The following AKNAD1 variants were observed in gnomAD, a reference collection of about 807,000 sequenced individuals.
The protein encoded by AKNAD1 is protein AKNAD1.
A neutral mutation model predicts 90.8 loss-of-function variants in AKNAD1; 67 were observed. That is an observed-to-expected ratio of 0.74 (90% CI 0.61 to 0.90). The LOEUF is 0.90. Ranked by LOEUF, AKNAD1 falls within the 40% of genes least tolerant of loss-of-function variation. The pLI is 0.00. For synonymous variants in AKNAD1, 327 were observed against 341.4 expected, an observed-to-expected ratio of 0.96 and a Z score of 0.46; for missense variants, 957 against 975.4, an observed-to-expected ratio of 0.98 and a Z score of 0.25.
Position 108,820,580 on chromosome 1 carries a change from T to C in AKNAD1, c.2214A>G (p.Lys738=). Residue 738 remains lysine, a synonymous_variant, in exon 14 of 16, where the codon AAA becomes AAG. Transcript: ENST00000370001. Reference sequence around the variant, plus strand: ...TGGGCTCATGTTCACCTTTAAAGGATTTTGAATTCACTCTCTGAGAACAGA... The same window carrying C: ...TGGGCTCATGTTCACCTTTAAAGGACTTTGAATTCACTCTCTGAGAACAGA... ...KRICSQRVNS[K]SFKGEHEPTP... The C allele has an allele frequency of 6.2e-7, 1 of 1,611,230 alleles. No individual in the cohort carries two copies. Among genetic ancestry groups the C allele is most frequent in the South Asian group, 1.1e-5 (1 of 90,780 alleles).
Position 108,838,591 on chromosome 1 carries a change from G to T in AKNAD1, c.1380-885C>A, listed in dbSNP as rs12025470. Among the ~76,000 whole-genome samples the T allele has an allele frequency of 9.4e-3, 1,430 of 151,942 alleles. 21 individuals are homozygous for T. Among genetic ancestry groups the T allele is most frequent in the South Asian group, 0.029 (138 of 4,822 alleles). Reference sequence around the variant, plus strand: ...GAATATAAAATAAACCACAGAAAAGGATTCATAAAATTACTAGAAATAAAT... The same window carrying T: ...GAATATAAAATAAACCACAGAAAAGTATTCATAAAATTACTAGAAATAAAT... On this transcript the variant is annotated intron_variant, in intron 6 of 15. Coordinates refer to ENST00000370001, the MANE Select transcript of AKNAD1 (RefSeq NM_152763.5).
intron 3 of AKNAD1, 34 bp from the exon 4 acceptor site, chr1:108,849,094 C>T (rs1664781425): frequency 1.3e-6 from 2 of 1,529,498 alleles, no homozygotes; most frequent in Non-Finnish European, 1.7e-6. Context: ...GGCTACCATT[C>T]ATCTCAACTT....
At chr1:108,827,147 A>T in intron 11 of AKNAD1, 58 bp downstream of exon 11, 1 of 1,297,402 alleles carries the variant, frequency 7.7e-7, no homozygotes, top group South Asian at 1.2e-5. Flanking sequence ...TACTGCGAGC[A>T]GACCCCATGG....
intron 8 of AKNAD1, 152 bp from the exon 9 acceptor site, chr1:108,834,680 T>C: frequency 2.2e-6 from 2 of 913,626 alleles, no homozygotes; most frequent in Non-Finnish European, 3.2e-6. Flanking sequence ...ATGCGGCCAC[T>C]TGACCTTCAC....
intron 6 of AKNAD1, among the ~76,000 whole-genome samples, chr1:108,839,471 T>TAAAAAAAAAAAGAAAAAAAA (rs1553203224): frequency 5.1e-4 from 64 of 126,150 alleles, no homozygotes; most frequent in African/African-American, 2.0e-3. Context: ...TCCGTCTCAA[T>TAAAAAAAAAAAGAAAAAAAA]AAAAAAAAAA....
chr1:108,820,453 T>C lies in AKNAD1; in HGVS notation c.2249+92A>G, dbSNP rs1333128. 215,908 of 778,048 alleles carry C rather than the reference T, an allele frequency of 0.28. 35,344 individuals carry two copies. Among genetic ancestry groups the C allele is most frequent in the East Asian group, 0.69 (27,156 of 39,464 alleles). 48.2% of individuals were successfully genotyped at this position (778,048 alleles called of 1,614,324 possible). A position where few individuals can be genotyped will look rare whatever the true frequency, so the allele number is the denominator to read the frequency against. On this transcript the variant is annotated intron_variant, in intron 14 of 15. Coordinates refer to ENST00000370001, the MANE Select transcript of AKNAD1 (RefSeq NM_152763.5). The stretch of plus-strand genomic sequence containing the variant: ...GCTCTACTCCTAATCATCTAGGTTA[T>C]CTTGGGGTAGGTAGTTAATGCACTA...
At chr1:108,847,054 G>T (rs183771384) in intron 5 of AKNAD1, among the ~76,000 whole-genome samples, 2 of 151,998 alleles carry the variant, frequency 1.3e-5, no homozygotes, top group East Asian at 3.9e-4. Context: ...GCCAGCCTTC[G>T]TTCAGGCCCT....
chr1:108,855,013 C>T (rs1664988950), intron 1 of AKNAD1, among the ~76,000 whole-genome samples: 2 of 152,150 alleles, frequency 1.3e-5, no homozygotes, highest in South Asian at 4.1e-4. Flanking sequence ...AATGAAAAAA[C>T]AAAACCAGTC....
Position 108,834,446 on chromosome 1 carries a change from C to A in AKNAD1, c.1746+1G>T, listed in dbSNP as rs952148757. 6.2e-7 allele frequency: 1 copy of A among 1,606,856 alleles called. No individual in the cohort carries two copies. The highest frequency in any genetic ancestry group is 2.2e-5 in the East Asian group (1 of 44,824). On this transcript the variant is annotated splice_donor_variant, in intron 9 of 15. Coordinates refer to ENST00000370001, the MANE Select transcript of AKNAD1 (RefSeq NM_152763.5). LOFTEE classifies it high-confidence loss of function. The stretch of plus-strand genomic sequence containing the variant: ...GCCAGGCCCCGGCTGCAGGACATTA[C>A]CCCAGAGTTAGAAGACAGCCTCATG...
intron 9 of AKNAD1, among the ~76,000 whole-genome samples, chr1:108,833,687 T>A (rs903196427): frequency 3.9e-4 from 58 of 148,596 alleles, no homozygotes; most frequent in African/African-American, 9.6e-4. Flanking sequence ...TTTTATAATT[T>A]AAAAAAAAAG....
rs746024010 is a variant in AKNAD1, at chr1:108,848,830, T to C, written c.1183-16A>G. 6.2e-7 allele frequency: 1 copy of C among 1,609,934 alleles called. No homozygotes were observed. Among genetic ancestry groups the C allele is most frequent in the Admixed American group, 1.7e-5 (1 of 59,130 alleles). The stretch of plus-strand genomic sequence containing the variant: ...ATTCTTGTACCTGCAGTGAAAAAAT[T>C]ACAATCTCTCATTAATGGCATGGTT... On this transcript the variant is annotated splice_polypyrimidine_tract_variant and intron_variant, in intron 4 of 15. Transcript: ENST00000370001.
chr1:108,827,314 T>C lies in AKNAD1; in HGVS notation c.1839-12A>G, dbSNP rs769834975. The stretch of plus-strand genomic sequence containing the variant: ...CCACGTTTTGCTTCCTAAAAAAAGG[T>C]GCATAAGATCCTGTAAACTTTTAGT... On this transcript the variant is annotated splice_polypyrimidine_tract_variant and intron_variant, in intron 10 of 15. Transcript: ENST00000370001. The C allele has an allele frequency of 2.5e-6, 4 of 1,582,094 alleles. No individual in the cohort carries two copies. Among genetic ancestry groups the C allele is most frequent in the Non-Finnish European group, 3.5e-6 (4 of 1,153,402 alleles).
intron 6 of AKNAD1, among the ~76,000 whole-genome samples, chr1:108,839,623 A>G (rs1261942333): frequency 6.6e-6 from 1 of 152,212 alleles, no homozygotes; most frequent in Non-Finnish European, 1.5e-5. Context: ...ATTAAATAAC[A>G]ACAAAAGCCC....
chr1:108,840,790 G>GAATAAAATTTAT (rs1664531596), intron 6 of AKNAD1, among the ~76,000 whole-genome samples: 1 of 152,180 alleles, frequency 6.6e-6, no homozygotes, highest in Admixed American at 6.5e-5. Flanking sequence ...AAAAAACAAA[G>GAATAAAATTTAT]TGATAATTGA....
intron 2 of AKNAD1, 32 bp downstream of exon 2, chr1:108,851,640 T>A: frequency 1.3e-6 from 2 of 1,529,402 alleles, no homozygotes; most frequent in Non-Finnish European, 1.7e-6. Context: ...GTGGTCCCAA[T>A]TAATGTGTTT....
intron 1 of AKNAD1, 100 bp downstream of exon 1, chr1:108,856,829 T>A (rs1665061183): frequency 6.6e-6 from 1 of 152,142 alleles, no homozygotes; most frequent in Non-Finnish European, 1.5e-5. Flanking sequence ...TGAGGAACAC[T>A]CTCATTACAT....
intron 6 of AKNAD1, among the ~76,000 whole-genome samples, chr1:108,838,878 G>A: frequency 6.6e-6 from 1 of 151,984 alleles, no homozygotes; most frequent in South Asian, 2.1e-4. Context: ...AACAACCAGA[G>A]AAAAATGGAA....
chr1:108,820,114 G>A (rs1476946599), intron 14 of AKNAD1, among the ~76,000 whole-genome samples: 2 of 152,012 alleles, frequency 1.3e-5, no homozygotes, highest in Admixed American at 1.3e-4. Flanking sequence ...CTTGCCAAGT[G>A]CCTTCTCACA....
At chr1:108,831,752 A>T (rs1483977285) in intron 9 of AKNAD1, among the ~76,000 whole-genome samples, 3 of 147,958 alleles carry the variant, frequency 2.0e-5, no homozygotes, top group Non-Finnish European at 4.5e-5. Flanking sequence ...TCAGCCCCCC[A>T]AGTAGCTGGG....
Sources: gnomAD v4.1 joint callset for allele counts (sites outside exome capture counted in the v4.1 genomes callset) on GRCh38, gnomAD v4.1.1 for gene constraint, MANE v1.5 for transcripts, NCBI Gene and HGNC (gene_info 2026-07-23, HGNC 2026-07-21) for gene names.